Variants in TMEM39B observed in about 807,000 individuals in gnomAD.
TMEM39B encodes the protein transmembrane protein 39B.
In TMEM39B, 23 loss-of-function variants were observed where a neutral mutation model predicts 52.2. The observed-to-expected ratio is 0.44, with a 90% CI of 0.32 to 0.62. The LOEUF (loss-of-function observed/expected upper bound fraction) is 0.62, where lower values mean the gene tolerates loss of function less well. Ranked by LOEUF, TMEM39B falls within the 20% of genes least tolerant of loss-of-function variation. TMEM39B has a pLI of 0.06. For missense variants in TMEM39B, 547 were observed against 642.0 expected (o/e 0.85, Z 1.60); for synonymous variants, 285 against 264.0 (o/e 1.08, Z -0.77).
intron 7 of TMEM39B, among the ~76,000 whole-genome samples, chr1:32,099,224 C>G (rs1640925897): frequency 6.9e-6 from 1 of 145,854 alleles, no homozygotes; most frequent in Admixed American, 7.0e-5. Flanking sequence ...CAGAGTGAGA[C>G]TCTGTCTCAA....
In TMEM39B at chr1:32,073,017, G is replaced by A; in HGVS notation, c.-31G>A. ...CGACATATTGCCCGCAGGAGCTGCG[G>A]CGGCGAAGCGGAGAGCACCGGGGGG... On this transcript the variant is annotated 5_prime_UTR_variant, in exon 1 of 9. Transcript: ENST00000336294. The A allele has an allele frequency of 2.0e-6, 3 of 1,531,322 alleles. No individual in the cohort carries two copies. Among genetic ancestry groups the A allele is most frequent in the Non-Finnish European group, 1.8e-6 (2 of 1,137,474 alleles). The allele number at this position is 1,531,322 out of a possible 1,614,324, so 94.9% of individuals were successfully genotyped here. A position where few individuals can be genotyped will look rare whatever the true frequency, so the allele number is the denominator to read the frequency against.
upstream of TMEM39B, chr1:32,072,866 C>A (rs557596773): frequency 5.4e-6 from 4 of 734,756 alleles, no homozygotes; most frequent in Non-Finnish European, 8.4e-6. Context: ...CCGGGCGGCC[C>A]CTTTAAGAAG....
chr1:32,086,387 T>C (rs945251210), intron 5 of TMEM39B, among the ~76,000 whole-genome samples: 3 of 152,146 alleles, frequency 2.0e-5, no homozygotes, highest in East Asian at 3.8e-4. Context: ...CCCCTGGTTA[T>C]TGAGCACATG....
chr1:32,074,544 G>A (rs1639770986), intron 1 of TMEM39B, among the ~76,000 whole-genome samples: 1 of 152,128 alleles, frequency 6.6e-6, no homozygotes, highest in African/African-American at 2.4e-5. Flanking sequence ...CAAGCAATAA[G>A]CATATTAACA....
intron 3 of TMEM39B, 34 bp downstream of exon 3, chr1:32,075,856 G>C (rs1380640188): frequency 7.7e-7 from 1 of 1,303,824 alleles, no homozygotes; most frequent in Non-Finnish European, 1.1e-6. Context: ...GTGTGTGTGT[G>C]TGTGTGTGCG....
intron 5 of TMEM39B, among the ~76,000 whole-genome samples, chr1:32,090,495 G>T (rs567237737): frequency 6.6e-6 from 1 of 151,744 alleles, no homozygotes; most frequent in Non-Finnish European, 1.5e-5. Flanking sequence ...TACTCTGCCC[G>T]GCCAGAGTGC....
rs563979670 is a variant in TMEM39B at position 32,091,027 on chromosome 1, A to T, written c.591-648A>T. The stretch of plus-strand genomic sequence containing the variant: ...GGTCTTGAACTCCTGGGCTCACGTG[A>T]TCTTCCCACGTCGGCATCCCAAAGT... On this transcript the variant is annotated intron_variant, in intron 5 of 8. Transcript: ENST00000336294. Among the ~76,000 whole-genome samples the T allele has an allele frequency of 3.3e-5, 5 of 152,154 alleles. No homozygotes were observed. In the South Asian group the frequency reaches 1.0e-3, roughly 32 times the overall value.
chr1:32,077,008 G>A (rs376026022), intron 4 of TMEM39B, among the ~76,000 whole-genome samples, 156 bp from the exon 5 acceptor site: 9 of 152,262 alleles, frequency 5.9e-5, no homozygotes, highest in African/African-American at 2.2e-4. Flanking sequence ...GAGTTTACTG[G>A]GCATCAAAGA....
chr1:32,083,409 CTTTTTTTTTTTT>C lies in TMEM39B; in HGVS notation c.590+6110_590+6121del, dbSNP rs1052027069. 9.9e-4 allele frequency among the ~76,000 whole-genome samples: 54 copies of C among 54,618 alleles called. 1 individual carries two copies. The highest frequency in any genetic ancestry group is 6.1e-4 in the Non-Finnish European group (18 of 29,502). 35.8% of individuals were successfully genotyped at this position (54,618 alleles called of 152,430 possible). ...GCAGGAACATTTTTTTAAAGGACTT[CTTTTTTTTTTTT>C]TTTTTTTTTTTTTTTTTTGAGATGG... On this transcript the variant is annotated intron_variant, in intron 5 of 8. Coordinates refer to ENST00000336294, the MANE Select transcript of TMEM39B (RefSeq NM_018056.4).
chr1:32,084,669 A>G (rs779547633), intron 5 of TMEM39B, among the ~76,000 whole-genome samples: 6 of 151,996 alleles, frequency 3.9e-5, no homozygotes, highest in African/African-American at 1.2e-4. Context: ...TCCCGAGTTC[A>G]AGTGATTCTC....
chr1:32,075,017 G>C lies in TMEM39B; in HGVS notation c.71G>C (p.Gly24Ala), dbSNP rs1258650008. 3 of 1,551,458 alleles carry C rather than the reference G, an allele frequency of 1.9e-6. No individual in the cohort carries two copies. The highest frequency in any genetic ancestry group is 1.4e-5 in the African/African-American group (1 of 73,016). The change falls in exon 2 of 9, where the codon GGG (glycine) becomes GCG (alanine). Residue 24 changes from glycine to alanine, a missense_variant. Physicochemically the swap from Gly to Ala is moderately conservative, Grantham distance 60. Transcript: ENST00000336294. Reference sequence around the variant, plus strand: ...CCGCTCTGTGAGCCGGGATCCTCGGGGGGCTCTAGTGGAAGCCACACTTCC... The same window carrying C: ...CCGCTCTGTGAGCCGGGATCCTCGGCGGGCTCTAGTGGAAGCCACACTTCC... ...RNPLCEPGSS[G>A]GSSGSHTSSA...
intron 5 of TMEM39B, among the ~76,000 whole-genome samples, chr1:32,086,340 T>G (rs1640348965): frequency 1.3e-5 from 2 of 152,176 alleles, no homozygotes; most frequent in South Asian, 4.1e-4. Flanking sequence ...CATGCCATAT[T>G]CTAGACTTGT....
chr1:32,098,986 C>T (rs1485418640), intron 7 of TMEM39B, among the ~76,000 whole-genome samples: 1 of 152,134 alleles, frequency 6.6e-6, no homozygotes, highest in Non-Finnish European at 1.5e-5. Context: ...CACGGTGGCT[C>T]ATTGCCTGTA....
rs1639761067 is a variant in TMEM39B, at chr1:32,074,280, C to T, written c.5-671C>T. Among the ~76,000 whole-genome samples the T allele has an allele frequency of 2.0e-5, 3 of 152,084 alleles. 1 individual carries two copies. The South Asian group carries it at 6.2e-4, about 32-fold the overall frequency. On this transcript the variant is annotated intron_variant, in intron 1 of 8. Coordinates refer to ENST00000336294, the MANE Select transcript of TMEM39B (RefSeq NM_018056.4). Reference sequence around the variant, plus strand: ...GGGGCCCTGGATGAAAAAGCTGTCCCAAAGTTACCCAGAGTTATAGGCCTC... The same window carrying T: ...GGGGCCCTGGATGAAAAAGCTGTCCTAAAGTTACCCAGAGTTATAGGCCTC...
chr1:32,076,632 T>C, intron 3 of TMEM39B, 131 bp from the exon 4 acceptor site: 1 of 932,526 alleles, frequency 1.1e-6, no homozygotes, highest in South Asian at 1.4e-5. Context: ...CTGACTCAGC[T>C]GGAGGCCGAT....
intron 7 of TMEM39B, among the ~76,000 whole-genome samples, chr1:32,099,237 A>G (rs1384627163): frequency 1.3e-5 from 2 of 151,954 alleles, no homozygotes; most frequent in Non-Finnish European, 2.9e-5. Context: ...TGTCTCAAAA[A>G]AAAAAAAACA....
intron 6 of TMEM39B, among the ~76,000 whole-genome samples, chr1:32,092,245 C>A (rs1304744410): frequency 6.6e-6 from 1 of 152,168 alleles, no homozygotes; most frequent in Admixed American, 6.6e-5. Context: ...CAGCCTCAAC[C>A]TCCTGGTCTC....
rs752490233 is a variant in TMEM39B, at chr1:32,100,632, G to A, written c.1236+70G>A. The A allele has an allele frequency of 5.0e-6, 8 of 1,596,744 alleles. No homozygotes were observed. In the Admixed American group the frequency reaches 1.3e-4, roughly 27 times the overall value. ...GGGAGGATCTGCAGGGCAGGAATGT[G>A]ATGTCATTGCAAGAGAAAGCTATTT... On this transcript the variant is annotated intron_variant, in intron 8 of 8. Transcript: ENST00000336294.
At chr1:32,082,668 C>G (rs1459359243) in intron 5 of TMEM39B, among the ~76,000 whole-genome samples, 1 of 151,792 alleles carries the variant, frequency 6.6e-6, no homozygotes, top group Non-Finnish European at 1.5e-5. Context: ...GTTTGCCAGG[C>G]TGGTCTCGAA....
Sources: gnomAD v4.1 joint callset for allele counts (sites outside exome capture counted in the v4.1 genomes callset) on GRCh38, gnomAD v4.1.1 for gene constraint, MANE v1.5 for transcripts, NCBI Gene and HGNC (gene_info 2026-07-23, HGNC 2026-07-21) for gene names.